Variants in MSRA observed in about 807,000 individuals in gnomAD.
MSRA encodes mitochondrial peptide methionine sulfoxide reductase.
Under a neutral mutation model 31.3 loss-of-function variants are expected in MSRA, and 54 were observed. The ratio of observed to expected loss-of-function variants is 1.73; its 90% confidence interval spans 1.39 to 2.17. MSRA has a LOEUF of 2.17. MSRA is among the 30% of genes most tolerant of loss of function. The probability of loss-of-function intolerance (pLI) is 0.00; values close to 1 mark genes in which losing one functional copy is unlikely to be tolerated. For missense variants in MSRA, 507 were observed against 300.9 expected, an observed-to-expected ratio of 1.69 and a Z score of -5.07; for synonymous variants, 169 against 116.5, an observed-to-expected ratio of 1.45 and a Z score of -2.90.
At position 10,063,268 on chromosome 8, in the gene MSRA, T is replaced by C. The variant is rs576894287; in HGVS notation, c.142+8610T>C. 3.9e-5 allele frequency among the ~76,000 whole-genome samples: 6 copies of C among 152,336 alleles called. No individual in the cohort carries two copies. The South Asian group carries it at 6.2e-4, about 16-fold the overall frequency. ...GAGTCCCGATGACTTCTTTTCTTCA[T>C]TGGTCTCTGATCTGTCTTCACTCTC... On this transcript the variant is annotated intron_variant, in intron 1 of 5. Coordinates refer to ENST00000317173, the MANE Select transcript of MSRA (RefSeq NM_012331.5).
chr8:10,230,467 A>G (rs761988753), intron 2 of MSRA, among the ~76,000 whole-genome samples: 1 of 152,202 alleles, frequency 6.6e-6, no homozygotes, highest in Non-Finnish European at 1.5e-5. Flanking sequence ...TAGAACTTCA[A>G]CAACTGCCCT....
At chr8:10,411,115 CTT>C (rs1331443781) in intron 5 of MSRA, 8 of 152,160 alleles carry the variant, frequency 5.3e-5, no homozygotes, top group Admixed American at 5.2e-4. Flanking sequence ...TACTTTTCCT[CTT>C]TGTTATTCTC....
intron 3 of MSRA, chr8:10,250,720 C>T: frequency 4.0e-6 from 2 of 499,624 alleles, no homozygotes; most frequent in Non-Finnish European, 7.1e-6. Flanking sequence ...ACTGTATGGT[C>T]TGCAAAACCT....
At position 10,298,676 on chromosome 8, in the gene MSRA, A is replaced by G. The variant is rs540548063; in HGVS notation, c.332-2858A>G. Among the ~76,000 whole-genome samples the G allele has an allele frequency of 9.4e-4, 143 of 152,332 alleles. 1 individual carries two copies. The Middle Eastern group carries it at 0.01, about 11-fold the overall frequency. Reference sequence around the variant, plus strand: ...CATCAAGTAGATAAGTGGCTACCATATCATTGTTGTTCACTAAATCATAAA... The same window carrying G: ...CATCAAGTAGATAAGTGGCTACCATGTCATTGTTGTTCACTAAATCATAAA... On this transcript the variant is annotated intron_variant, in intron 3 of 5. Transcript: ENST00000317173.
chr8:10,415,384 G>A (rs1345260854), intron 5 of MSRA, among the ~76,000 whole-genome samples: 1 of 152,196 alleles, frequency 6.6e-6, no homozygotes, highest in Non-Finnish European at 1.5e-5. Context: ...CAGCCTTACA[G>A]ACCTTGCTGC....
At chr8:10,157,421 G>C (rs1804250112) in intron 1 of MSRA, among the ~76,000 whole-genome samples, 2 of 151,962 alleles carry the variant, frequency 1.3e-5, no homozygotes, top group African/African-American at 2.4e-5. Flanking sequence ...AGTTAATTTG[G>C]GAAACTAAAA....
At chr8:10,356,905 AAAAAAT>A (rs1804541641) in intron 5 of MSRA, among the ~76,000 whole-genome samples, 7 of 133,680 alleles carry the variant, frequency 5.2e-5, no homozygotes, top group African/African-American at 1.1e-4. Context: ...AAAAAAAAAA[AAAAAAT>A]ATATGTGTCT....
chr8:10,394,835 G>C (rs1237948829), intron 5 of MSRA, among the ~76,000 whole-genome samples: 1 of 152,254 alleles, frequency 6.6e-6, no homozygotes, highest in Non-Finnish European at 1.5e-5. Context: ...ATGGCTACTT[G>C]TCTGCCTTGG....
chr8:10,207,956 A>G (rs1468969716), intron 2 of MSRA, 55 bp downstream of exon 2: 1 of 1,456,784 alleles, frequency 6.9e-7, no homozygotes, highest in South Asian at 1.3e-5. Context: ...CTAGTGCCAA[A>G]TTTCTTAGTT....
At chr8:10,280,107 G>A (rs1428907482) in intron 3 of MSRA, among the ~76,000 whole-genome samples, 1 of 152,052 alleles carries the variant, frequency 6.6e-6, no homozygotes, top group Non-Finnish European at 1.5e-5. Context: ...TGAAGTTTTT[G>A]CAGTGTTTTT....
rs558757707 is a variant in MSRA at position 10,086,028 on chromosome 8, G to A, written c.142+31370G>A. Among the ~76,000 whole-genome samples the A allele has an allele frequency of 2.6e-5, 4 of 152,216 alleles. No individual in the cohort carries two copies. The South Asian group carries it at 8.3e-4, about 32-fold the overall frequency. ...GAATAATTCTTCCATGAATGTACAG[G>A]TCTTTTTGTGAGCCCATGTCTTCAT... On this transcript the variant is annotated intron_variant, in intron 1 of 5. Transcript: ENST00000317173.
At chr8:10,198,415 A>C (rs913781995) in intron 1 of MSRA, among the ~76,000 whole-genome samples, 5 of 152,164 alleles carry the variant, frequency 3.3e-5, no homozygotes, top group Admixed American at 6.5e-5. Flanking sequence ...ATACTTTAAA[A>C]GTTACCATAT....
intron 3 of MSRA, among the ~76,000 whole-genome samples, chr8:10,261,813 A>G (rs989689735): frequency 6.6e-5 from 10 of 152,336 alleles, no homozygotes; most frequent in Middle Eastern, 3.4e-3. Context: ...CCATTATAGA[A>G]TCATGCAGAA....
chr8:10,070,078 T>A (rs1178631420), intron 1 of MSRA, among the ~76,000 whole-genome samples: 1 of 152,212 alleles, frequency 6.6e-6, no homozygotes, highest in Non-Finnish European at 1.5e-5. Context: ...GAAGCCAACT[T>A]GAGTCTTGGA....
chr8:10,070,352 C>A (rs1368741964), intron 1 of MSRA, among the ~76,000 whole-genome samples: 1 of 152,220 alleles, frequency 6.6e-6, no homozygotes, highest in African/African-American at 2.4e-5. Flanking sequence ...AGTTTTAGCA[C>A]CTTTCTGTAA....
intron 3 of MSRA, among the ~76,000 whole-genome samples, chr8:10,288,681 T>A (rs1442320694): frequency 6.6e-6 from 1 of 152,080 alleles, no homozygotes; most frequent in Non-Finnish European, 1.5e-5. Flanking sequence ...TTCCATTTTT[T>A]AAAAAAAATT....
chr8:10,331,030 C>T (rs1486545808), intron 5 of MSRA, among the ~76,000 whole-genome samples: 1 of 152,192 alleles, frequency 6.6e-6, no homozygotes, highest in African/African-American at 2.4e-5. Context: ...GGCTCTTGAG[C>T]ACTCTATTGC....
intron 1 of MSRA, among the ~76,000 whole-genome samples, chr8:10,084,550 C>A (rs1050068829): frequency 2.2e-4 from 33 of 152,326 alleles, no homozygotes; most frequent in African/African-American, 7.5e-4. Context: ...GGTTTAGTCC[C>A]AACCCTGAAA....
chr8:10,113,884 G>A (rs1017112306), intron 1 of MSRA, among the ~76,000 whole-genome samples: 1 of 151,942 alleles, frequency 6.6e-6, no homozygotes, highest in Non-Finnish European at 1.5e-5. Flanking sequence ...ACAAAATTGT[G>A]TGGCCATCAC....
Sources: gnomAD v4.1 joint callset for allele counts (sites outside exome capture counted in the v4.1 genomes callset) on GRCh38, gnomAD v4.1.1 for gene constraint, MANE v1.5 for transcripts, NCBI Gene and HGNC (gene_info 2026-07-23, HGNC 2026-07-21) for gene names.